Variants in MEI1 observed in about 807,000 individuals in gnomAD.
MEI1 encodes the protein meiotic double-stranded break formation protein 1.
A neutral mutation model predicts 146.2 loss-of-function variants in MEI1; 103 were observed. The observed-to-expected ratio is 0.70, with a 90% CI of 0.60 to 0.83. MEI1 has a LOEUF of 0.83. MEI1 is among the 40% of genes least tolerant of loss of function. The probability of loss-of-function intolerance (pLI) is 0.00; values close to 1 mark genes in which losing one functional copy is unlikely to be tolerated. For missense variants in MEI1, 1,529 were observed against 1,533.0 expected (o/e 1.00, Z 0.04); for synonymous variants, 652 against 628.2 (o/e 1.04, Z -0.57).
chr22:41,757,566 A>G (rs2074180069), intron 17 of MEI1, among the ~76,000 whole-genome samples: 1 of 152,026 alleles, frequency 6.6e-6, no homozygotes, highest in African/African-American at 2.4e-5. Context: ...TATGTTGGCC[A>G]AGCTGGTCTT....
intron 6 of MEI1, among the ~76,000 whole-genome samples, chr22:41,720,658 G>A (rs897949600): frequency 6.6e-6 from 1 of 150,872 alleles, no homozygotes; most frequent in Admixed American, 6.6e-5. Context: ...TGCAGTGGGC[G>A]TGATCTCAGC....
chr22:41,703,564 A>G, intron 2 of MEI1, 110 bp downstream of exon 2: 2 of 968,214 alleles, frequency 2.1e-6, no homozygotes, highest in Non-Finnish European at 2.9e-6. Context: ...TTGTATTGTA[A>G]TACTTTATCA....
rs11912567 is a variant in MEI1 at position 41,740,036 on chromosome 22, G to T, written c.1332-3044G>T. Among the ~76,000 whole-genome samples the T allele has an allele frequency of 1.1e-3, 166 of 151,638 alleles. 6 individuals carry two copies. The East Asian group carries it at 0.03, about 28-fold the overall frequency. ...GATTATTTTACTTTTTTTTTGGTGG[G>T]GGGGGTGGAGTCTCGCTCTGTTGCT... is the stretch of plus-strand genomic sequence containing the variant. On this transcript the variant is annotated intron_variant, in intron 11 of 30. Transcript: ENST00000401548.
intron 22 of MEI1, among the ~76,000 whole-genome samples, chr22:41,779,595 C>G (rs2075649621): frequency 6.6e-6 from 1 of 152,104 alleles, no homozygotes; most frequent in Non-Finnish European, 1.5e-5. Flanking sequence ...CTTTCCTAAA[C>G]TAGGGTTAAG....
At chr22:41,781,607 G>C (rs2075759296) in intron 23 of MEI1, 78 bp from the exon 24 acceptor site, 1 of 1,501,670 alleles carries the variant, frequency 6.7e-7, no homozygotes, top group Admixed American at 2.0e-5. Flanking sequence ...GCCCCAATCA[G>C]GTGCTAAGCA....
chr22:41,732,177 T>C (rs923088328), intron 9 of MEI1, 68 bp from the exon 10 acceptor site: 18 of 1,280,808 alleles, frequency 1.4e-5, no homozygotes, highest in Non-Finnish European at 2.0e-5. Context: ...CTGTCACCTC[T>C]TCTGGGTGGG....
intron 17 of MEI1, among the ~76,000 whole-genome samples, chr22:41,755,334 G>C (rs56098545): frequency 0.01 from 1,583 of 152,192 alleles, 28 homozygotes; most frequent in African/African-American, 0.037. Flanking sequence ...CTCTACACCT[G>C]CTGCTCTCTT....
At chr22:41,711,637 T>C (rs1310506351) in intron 3 of MEI1, among the ~76,000 whole-genome samples, 1 of 152,178 alleles carries the variant, frequency 6.6e-6, no homozygotes, top group East Asian at 1.9e-4. Flanking sequence ...TCTTCCTGCT[T>C]CTTGTTTCTG....
rs1488854626 is a variant in MEI1 at position 41,732,257 on chromosome 22, T to G, written c.1109T>G (p.Val370Gly). The change falls in exon 10 of 31, where the codon GTG (valine) becomes GGG (glycine). Residue 370 changes from valine to glycine, a missense_variant. By Grantham distance (109) the Val-to-Gly change is moderately radical (BLOSUM62 -3). Transcript: ENST00000401548. Reference sequence around the variant, plus strand: ...CATCCTGTGGTAGGGATCGAGGCAGTGGTGAGGAGCCTGCAGGGAAGCCTG... The same window carrying G: ...CATCCTGTGGTAGGGATCGAGGCAGGGGTGAGGAGCCTGCAGGGAAGCCTG... ...KCHTVYGIEA[V>G]VRSLQGSLKM... 4 of 1,610,026 alleles carry G rather than the reference T, an allele frequency of 2.5e-6. No individual in the cohort carries two copies. The highest frequency in any genetic ancestry group is 3.4e-6 in the Non-Finnish European group (4 of 1,178,474).
intron 11 of MEI1, among the ~76,000 whole-genome samples, chr22:41,742,008 C>T (rs915888270): frequency 6.6e-6 from 1 of 150,976 alleles, no homozygotes; most frequent in African/African-American, 2.4e-5. Flanking sequence ...TGCCTGTAAT[C>T]CCACACTTTG....
intron 26 of MEI1, 91 bp from the exon 27 acceptor site, chr22:41,793,738 G>A (rs753996198): frequency 1.6e-5 from 18 of 1,133,698 alleles, no homozygotes; most frequent in Non-Finnish European, 2.2e-5. Context: ...TGAAATCCAA[G>A]TAACTCTGAA....
At chr22:41,754,921 G>A (rs1241108148) in intron 17 of MEI1, among the ~76,000 whole-genome samples, 1 of 152,184 alleles carries the variant, frequency 6.6e-6, no homozygotes, top group Non-Finnish European at 1.5e-5. Flanking sequence ...GATAGAAGGA[G>A]GAGAGAGACA....
intron 3 of MEI1, among the ~76,000 whole-genome samples, chr22:41,710,641 A>G: frequency 6.6e-6 from 1 of 152,200 alleles, no homozygotes; most frequent in Non-Finnish European, 1.5e-5. Context: ...AGTGAATTTT[A>G]TGGGTGTGAT....
At chr22:41,704,949 C>T (rs577952387) in intron 2 of MEI1, among the ~76,000 whole-genome samples, 2 of 150,638 alleles carry the variant, frequency 1.3e-5, no homozygotes, top group South Asian at 2.1e-4. Context: ...CTCCTGACCT[C>T]GTGATCCACC....
chr22:41,707,296 C>T (rs2069171179), intron 3 of MEI1, among the ~76,000 whole-genome samples: 1 of 152,094 alleles, frequency 6.6e-6, no homozygotes, highest in South Asian at 2.1e-4. Flanking sequence ...ACAACTCCCT[C>T]ACTGGGGCTG....
At position 41,748,616 on chromosome 22, in the gene MEI1, CTG is replaced by C. The variant is rs779176669; in HGVS notation, c.1792+400_1792+401del. Reference sequence around the variant, plus strand: ...ATTTAAGTTCTTACAGTGTGTGAGACTGTTTTAAGTGCTTTGCATGTATGGAC... The same window carrying C: ...ATTTAAGTTCTTACAGTGTGTGAGACTTTTAAGTGCTTTGCATGTATGGAC... On this transcript the variant is annotated intron_variant, in intron 15 of 30. Coordinates refer to ENST00000401548, the MANE Select transcript of MEI1 (RefSeq NM_152513.4). Among the ~76,000 whole-genome samples, 11 of 152,256 alleles carry C rather than the reference CTG, an allele frequency of 7.2e-5. No individual in the cohort carries two copies. In the South Asian group the frequency reaches 1.2e-3, roughly 17 times the overall value.
Position 41,795,970 on chromosome 22 carries a change from A to G in MEI1, c.3779+123A>G. On this transcript the variant is annotated intron_variant, in intron 30 of 30. Transcript: ENST00000401548. The surrounding 1 kb of genome is among the most constrained non-coding windows in gnomAD (Gnocchi z 4.2). ...GTCCTCTCTCATGAAGAGGTGGGTG[A>G]TGTTCTGCAAGGTGTGGCTTTGGCT... The G allele has an allele frequency of 6.2e-7, 1 of 1,611,692 alleles. No homozygotes were observed. Among genetic ancestry groups the G allele is most frequent in the South Asian group, 1.1e-5 (1 of 90,984 alleles).
At chr22:41,738,810 T>TACAATA (rs111670190) in intron 11 of MEI1, among the ~76,000 whole-genome samples, 2 of 149,146 alleles carry the variant, frequency 1.3e-5, no homozygotes, top group Non-Finnish European at 3.0e-5. Context: ...ATAAAATAAA[T>TACAATA]AAATAAAATT....
intron 20 of MEI1, among the ~76,000 whole-genome samples, chr22:41,771,252 C>T (rs2075167111): frequency 6.6e-6 from 1 of 152,190 alleles, no homozygotes; most frequent in South Asian, 2.1e-4. Flanking sequence ...ACCATCCCCT[C>T]TCACCTCCCT....
Sources: allele counts gnomAD v4.1 joint callset (sites outside exome capture counted in the v4.1 genomes callset), GRCh38; gene constraint gnomAD v4.1.1; non-coding constraint Gnocchi (gnomAD v3.1); transcripts MANE v1.5; gene names NCBI Gene and HGNC (gene_info 2026-07-23, HGNC 2026-07-21).